Variants in SNX29 observed in about 807,000 individuals in gnomAD.
SNX29 encodes sorting nexin-29.
A neutral mutation model predicts 102.1 loss-of-function variants in SNX29; 78 were observed. The ratio of observed to expected loss-of-function variants is 0.76; its 90% confidence interval spans 0.64 to 0.92. SNX29 has a LOEUF of 0.92. Ranked by LOEUF, SNX29 falls within the 40% of genes least tolerant of loss-of-function variation. The pLI is 0.00. For synonymous variants in SNX29, 580 were observed against 414.5 expected, an observed-to-expected ratio of 1.40 and a Z score of -4.85; for missense variants, 1,280 against 1,061.7, an observed-to-expected ratio of 1.21 and a Z score of -2.86.
intron 3 of SNX29, among the ~76,000 whole-genome samples, chr16:12,014,991 G>T (rs1423368140): frequency 6.6e-6 from 1 of 151,904 alleles, no homozygotes; most frequent in Non-Finnish European, 1.5e-5. Context: ...GGGAGAGGGG[G>T]AGGGTCCCGT....
intron 20 of SNX29, among the ~76,000 whole-genome samples, chr16:12,561,351 A>G (rs1479019739): frequency 6.6e-6 from 1 of 152,076 alleles, no homozygotes; most frequent in Non-Finnish European, 1.5e-5. Flanking sequence ...AGACTCACAG[A>G]CTTATGAGGG....
At chr16:12,324,036 G>C (rs992773074) in intron 15 of SNX29, among the ~76,000 whole-genome samples, 4 of 151,288 alleles carry the variant, frequency 2.6e-5, no homozygotes, top group African/African-American at 7.4e-5. Flanking sequence ...TTTATCCATG[G>C]GGCCTGAGAT....
chr16:12,487,536 C>A (rs2088308009), intron 19 of SNX29, among the ~76,000 whole-genome samples: 1 of 152,198 alleles, frequency 6.6e-6, no homozygotes. Flanking sequence ...TTGAGCCGAA[C>A]TCTGCAAATG....
At chr16:12,120,710 C>T (rs920439197) in intron 11 of SNX29, among the ~76,000 whole-genome samples, 1 of 152,186 alleles carries the variant, frequency 6.6e-6, no homozygotes, top group Non-Finnish European at 1.5e-5. Flanking sequence ...AGGCTGGTCC[C>T]TGCTCCACTG....
At chr16:12,162,321 C>G (rs567172193) in intron 13 of SNX29, among the ~76,000 whole-genome samples, 1 of 152,318 alleles carries the variant, frequency 6.6e-6, no homozygotes, top group African/African-American at 2.4e-5. Flanking sequence ...CACTTTGACC[C>G]TCTGAAATGA....
intron 18 of SNX29, among the ~76,000 whole-genome samples, chr16:12,438,432 G>C (rs565082615): frequency 9.2e-5 from 14 of 151,670 alleles, no homozygotes; most frequent in African/African-American, 3.4e-4. Flanking sequence ...TCATTTACCC[G>C]CTCACTCCAG....
At chr16:12,106,368 G>C (rs935110088) in intron 11 of SNX29, among the ~76,000 whole-genome samples, 8 of 152,050 alleles carry the variant, frequency 5.3e-5, no homozygotes, top group African/African-American at 1.9e-4. Flanking sequence ...ACTCTTCTTG[G>C]TGGTGCCATT....
At chr16:12,129,832 C>T (rs992684323) in intron 13 of SNX29, 74 bp downstream of exon 13, 20 of 1,474,368 alleles carry the variant, frequency 1.4e-5, no homozygotes, top group Middle Eastern at 5.0e-4. Flanking sequence ...GGGCCGGGCA[C>T]GGTGGCTCAT....
chr16:12,482,290 CT>C (rs1393783059), intron 19 of SNX29, among the ~76,000 whole-genome samples: 2 of 151,000 alleles, frequency 1.3e-5, no homozygotes, highest in Admixed American at 1.3e-4. Context: ...TTCCTTTTTC[CT>C]TTTCCTTTTC....
chr16:12,039,301 C>G (rs558213694), intron 4 of SNX29, among the ~76,000 whole-genome samples: 8 of 152,238 alleles, frequency 5.3e-5, no homozygotes, highest in Admixed American at 2.0e-4. Flanking sequence ...CGATTCTGCA[C>G]TTTTGTGTTG....
chr16:12,553,693 C>G (rs940133460), intron 20 of SNX29, among the ~76,000 whole-genome samples: 1 of 150,624 alleles, frequency 6.6e-6, no homozygotes, highest in Non-Finnish European at 1.5e-5. Context: ...TGGGTTCAAA[C>G]AATTCTGCCT....
rs2079157106 is a variant in SNX29 at position 12,570,190 on chromosome 16, A to T, written c.*1561A>T. 1 of 1,063,826 alleles carries T rather than the reference A, an allele frequency of 9.4e-7. No individual in the cohort carries two copies. Among genetic ancestry groups the T allele is most frequent in the Non-Finnish European group, 1.1e-6 (1 of 878,264 alleles). 65.9% of individuals were successfully genotyped at this position (1,063,826 alleles called of 1,614,324 possible). ...CACCCCAGAGAAACCGAGTCAGCCT[A>T]CATGACTTCCAAGGGGACCTGGGGC... On this transcript the variant is annotated 3_prime_UTR_variant, in exon 21 of 21. Coordinates refer to ENST00000566228, the MANE Select transcript of SNX29 (RefSeq NM_032167.5).
chr16:12,129,200 C>T (rs1317031719), intron 12 of SNX29, among the ~76,000 whole-genome samples: 1 of 152,024 alleles, frequency 6.6e-6, no homozygotes, highest in Non-Finnish European at 1.5e-5. Flanking sequence ...TATTTTTATG[C>T]CTCAGATTAT....
intron 18 of SNX29, among the ~76,000 whole-genome samples, chr16:12,476,012 T>G (rs2087575102): frequency 6.6e-6 from 1 of 152,074 alleles, no homozygotes; most frequent in African/African-American, 2.4e-5. Flanking sequence ...TAAGCAGGTA[T>G]GGGCCAGTCA....
intron 13 of SNX29, among the ~76,000 whole-genome samples, chr16:12,154,885 C>G (rs916948511): frequency 1.3e-5 from 2 of 152,202 alleles, no homozygotes; most frequent in Admixed American, 1.3e-4. Context: ...ACCCTCATAA[C>G]CATAGGCTCT....
chr16:12,090,954 G>A (rs1311092798), intron 11 of SNX29, among the ~76,000 whole-genome samples: 2 of 135,646 alleles, frequency 1.5e-5, no homozygotes, highest in East Asian at 2.3e-4. Context: ...AGTGGAGGTC[G>A]CAGTGAGACA....
intron 14 of SNX29, among the ~76,000 whole-genome samples, chr16:12,270,649 C>T (rs1374112930): frequency 2.0e-5 from 3 of 151,970 alleles, no homozygotes; most frequent in African/African-American, 7.3e-5. Context: ...GCACATTTAC[C>T]TCTTATTTAT....
chr16:12,024,818 A>C (rs533529144), intron 3 of SNX29, among the ~76,000 whole-genome samples: 1 of 152,320 alleles, frequency 6.6e-6, no homozygotes, highest in Admixed American at 6.5e-5. Flanking sequence ...AGATTCTTTT[A>C]AAGATAGAGG....
At chr16:12,066,043 G>A (rs368121233) in intron 9 of SNX29, among the ~76,000 whole-genome samples, 1 of 152,160 alleles carries the variant, frequency 6.6e-6, no homozygotes, top group African/African-American at 2.4e-5. Context: ...GTTGTGCATC[G>A]TGAAGGGGCC....
Sources: gnomAD v4.1 joint callset for allele counts (sites outside exome capture counted in the v4.1 genomes callset) on GRCh38, gnomAD v4.1.1 for gene constraint, MANE v1.5 for transcripts, NCBI Gene and HGNC (gene_info 2026-07-23, HGNC 2026-07-21) for gene names.